Variants in FAM114A2 observed in about 807,000 individuals in gnomAD.
FAM114A2 encodes the protein family with sequence similarity 114 member A2.
A neutral mutation model predicts 58.4 loss-of-function variants in FAM114A2; 53 were observed. The ratio of observed to expected loss-of-function variants is 0.91; its 90% CI spans 0.73 to 1.14. The LOEUF is 1.14. Among genes scored for constraint, FAM114A2 ranks in the 50% most tolerant of loss-of-function variants. FAM114A2 has a pLI of 0.00. For synonymous variants in FAM114A2, 228 were observed against 211.4 expected (o/e 1.08, Z -0.68); for missense variants, 601 against 581.1 (o/e 1.03, Z -0.35).
intron 8 of FAM114A2, among the ~76,000 whole-genome samples, chr5:154,015,981 T>C (rs1193775257): frequency 6.6e-6 from 1 of 152,060 alleles, no homozygotes; most frequent in Non-Finnish European, 1.5e-5. Context: ...CAAAATGCTG[T>C]AGAAAGTCTC....
At chr5:154,033,956 T>C in intron 3 of FAM114A2, 73 bp from the exon 4 acceptor site, 1 of 937,718 alleles carries the variant, frequency 1.1e-6, no homozygotes, top group Non-Finnish European at 1.7e-6. Context: ...AACTTGAAGA[T>C]TTTTAAAATC....
intron 13 of FAM114A2, among the ~76,000 whole-genome samples, chr5:153,993,517 CT>C (rs1187414971): frequency 1.3e-5 from 2 of 152,158 alleles, no homozygotes; most frequent in African/African-American, 4.8e-5. Flanking sequence ...TATGATAGCT[CT>C]TTTTCCATGG....
chr5:153,992,086 T>C lies in FAM114A2; in HGVS notation c.*890A>G, dbSNP rs1466241983. On this transcript the variant is annotated 3_prime_UTR_variant, in exon 14 of 14. Transcript: ENST00000351797. ...TAAATGAACATCATTTCTAAAGGAC[T>C]ATGGCCCACTTCAACACTCAAACAA... 6.6e-6 allele frequency: 1 copy of C among 152,224 alleles called. No individual in the cohort carries two copies. Among genetic ancestry groups the C allele is most frequent in the African/African-American group, 2.4e-5 (1 of 41,462 alleles). The allele number at this position is 152,224 out of a possible 1,614,324, so 9.4% of individuals were successfully genotyped here.
rs371494233 is a variant in FAM114A2 at position 154,002,101 on chromosome 5, G to GA, written c.1256+149dup. 4,201 of 643,782 alleles carry GA rather than the reference G, an allele frequency of 6.5e-3. 19 individuals are homozygous for GA. The highest frequency in any genetic ancestry group is 9.3e-3 in the Non-Finnish European group (3,502 of 376,840). The allele number at this position is 643,782 out of a possible 1,614,324, so 39.9% of individuals were successfully genotyped here. ...TTGATTTATCATGGTTCAATGAAAA[G>GA]AAAAAAACAACCAAAATGAACAAAC... On this transcript the variant is annotated intron_variant, in intron 11 of 13. Transcript: ENST00000351797.
chr5:154,009,945 A>T (rs1770581784), intron 9 of FAM114A2, among the ~76,000 whole-genome samples: 1 of 152,244 alleles, frequency 6.6e-6, no homozygotes, highest in Non-Finnish European at 1.5e-5. Context: ...TATTGGGTCA[A>T]CTGATGTAAC....
At chr5:154,004,847 G>C (rs140717485) in intron 9 of FAM114A2, among the ~76,000 whole-genome samples, 243 of 152,148 alleles carry the variant, frequency 1.6e-3, no homozygotes, top group African/African-American at 5.6e-3. Context: ...TCTGTCTTAA[G>C]CCCAGGGCTG....
chr5:153,995,102 G>A (rs897181891), intron 12 of FAM114A2, 130 bp from the exon 13 acceptor site: 5 of 621,770 alleles, frequency 8.0e-6, no homozygotes, highest in African/African-American at 7.4e-5. Context: ...AGTCTGGACT[G>A]AGAGCAAAAT....
intron 8 of FAM114A2, among the ~76,000 whole-genome samples, chr5:154,024,269 T>C (rs991112066): frequency 5.9e-5 from 9 of 152,312 alleles, no homozygotes; most frequent in African/African-American, 1.7e-4. Flanking sequence ...AGAGCTTTTT[T>C]AGTGTAAGTT....
At chr5:154,010,915 G>T (rs1257274672) in intron 9 of FAM114A2, among the ~76,000 whole-genome samples, 1 of 152,162 alleles carries the variant, frequency 6.6e-6, no homozygotes, top group African/African-American at 2.4e-5. Context: ...GTCCTCGACA[G>T]AGGCTCACCC....
chr5:154,014,115 G>C (rs1770869552), intron 8 of FAM114A2, among the ~76,000 whole-genome samples: 2 of 152,194 alleles, frequency 1.3e-5, no homozygotes, highest in Non-Finnish European at 2.9e-5. Flanking sequence ...TCTCAAGGCA[G>C]CTTTAGAAAC....
rs1769684465 is a variant in FAM114A2, at chr5:153,997,856, T to C, written c.1276A>G (p.Lys426Glu). ...TCTTTAGACAGAGAGGACAACTCTTTACACAACACAATTGTCATCCTAGGA... is the reference window on the plus strand; with the variant it reads ...TCTTTAGACAGAGAGGACAACTCTTCACACAACACAATTGTCATCCTAGGA... ...TLSQMTIVLC[K>E]ELSSLSKEFT... The change falls in exon 12 of 14, where the codon AAA (lysine) becomes GAA (glutamate). Residue 426 changes from lysine to glutamate, a missense_variant. Lys to Glu is a moderately conservative substitution (Grantham distance 56). Transcript: ENST00000351797. The C allele has an allele frequency of 1.2e-6, 2 of 1,602,370 alleles. No individual in the cohort carries two copies. Among genetic ancestry groups the C allele is most frequent in the African/African-American group, 1.3e-5 (1 of 74,660 alleles).
Position 153,992,848 on chromosome 5 carries a change from T to C in FAM114A2, c.*128A>G. The C allele has an allele frequency of 2.7e-6, 2 of 745,188 alleles. No homozygotes were observed. The highest frequency in any genetic ancestry group is 2.6e-5 in the Admixed American group (1 of 37,874). 46.2% of individuals were successfully genotyped at this position (745,188 alleles called of 1,614,324 possible). A position where few individuals can be genotyped will look rare whatever the true frequency, so the allele number is the denominator to read the frequency against. On this transcript the variant is annotated 3_prime_UTR_variant, in exon 14 of 14. Coordinates refer to ENST00000351797, the MANE Select transcript of FAM114A2 (RefSeq NM_018691.4). ...CACTGAAGGCAACAATCTTCCTCTT[T>C]AAACCATCTCTCCTGCCTGAATTTT...
intron 8 of FAM114A2, among the ~76,000 whole-genome samples, chr5:154,018,591 A>T (rs1405515450): frequency 6.6e-6 from 1 of 152,212 alleles, no homozygotes; most frequent in Non-Finnish European, 1.5e-5. Context: ...AAAACCAGGA[A>T]AGAACATAAC....
intron 9 of FAM114A2, among the ~76,000 whole-genome samples, chr5:154,008,400 G>C (rs1770481449): frequency 6.6e-6 from 1 of 152,104 alleles, no homozygotes; most frequent in Non-Finnish European, 1.5e-5. Context: ...TACTTTTGTA[G>C]TACAGGTCAA....
chr5:154,015,630 G>C (rs1770990694), intron 8 of FAM114A2, among the ~76,000 whole-genome samples: 2 of 152,138 alleles, frequency 1.3e-5, no homozygotes, highest in African/African-American at 4.8e-5. Flanking sequence ...CAACACCCTT[G>C]AGCCCTAGAC....
chr5:154,032,198 T>C (rs1257234366), intron 4 of FAM114A2, among the ~76,000 whole-genome samples: 1 of 152,232 alleles, frequency 6.6e-6, no homozygotes, highest in Non-Finnish European at 1.5e-5. Flanking sequence ...CCTTTAAATA[T>C]TGAAGTCACC....
intron 9 of FAM114A2, among the ~76,000 whole-genome samples, chr5:154,004,952 C>T (rs533561607): frequency 6.6e-6 from 1 of 152,150 alleles, no homozygotes; most frequent in Non-Finnish European, 1.5e-5. Context: ...ACCTACTTTT[C>T]CAGCCTCATC....
Position 153,992,865 on chromosome 5 carries a change from C to T in FAM114A2, c.*111G>A. The T allele has an allele frequency of 1.0e-6, 1 of 959,450 alleles. No homozygotes were observed. The highest frequency in any genetic ancestry group is 2.1e-5 in the South Asian group (1 of 46,732). 59.4% of individuals were successfully genotyped at this position (959,450 alleles called of 1,614,324 possible). A position where few individuals can be genotyped will look rare whatever the true frequency, so the allele number is the denominator to read the frequency against. On this transcript the variant is annotated 3_prime_UTR_variant, in exon 14 of 14. Coordinates refer to ENST00000351797, the MANE Select transcript of FAM114A2 (RefSeq NM_018691.4). ...TTCCTCTTTAAACCATCTCTCCTGC[C>T]TGAATTTTTATATACTAAAATAACC...
chr5:153,999,587 T>C (rs372570589), intron 11 of FAM114A2, among the ~76,000 whole-genome samples: 4 of 150,002 alleles, frequency 2.7e-5, no homozygotes, highest in East Asian at 2.0e-4. Context: ...TGAACGAGAT[T>C]GCGCCACTGC....
Sources: gnomAD v4.1 joint callset for allele counts (sites outside exome capture counted in the v4.1 genomes callset) on GRCh38, gnomAD v4.1.1 for gene constraint, MANE v1.5 for transcripts, NCBI Gene and HGNC (gene_info 2026-07-23, HGNC 2026-07-21) for gene names.